Variants in STEAP1B observed in about 807,000 individuals in gnomAD.
The protein encoded by STEAP1B is STEAP family protein MGC87042.
Under a neutral mutation model 27.9 loss-of-function variants are expected in STEAP1B, and 13 were observed. The observed-to-expected ratio is 0.47, with a 90% CI of 0.30 to 0.74. STEAP1B has a LOEUF of 0.74. Ranked by LOEUF, STEAP1B falls within the 30% of genes least tolerant of loss-of-function variation. The pLI is 0.06. For missense variants in STEAP1B, 250 were observed against 298.7 expected (o/e 0.84, Z 1.20); for synonymous variants, 86 against 107.1 (o/e 0.80, Z 1.22).
At position 22,419,703 on chromosome 7, in the gene STEAP1B, TGGCAGAG is replaced by T; in HGVS notation, c.*94_*100del. The T allele has an allele frequency of 7.4e-7, 1 of 1,347,512 alleles. No individual in the cohort carries two copies. Among genetic ancestry groups the T allele is most frequent in the South Asian group, 1.5e-5 (1 of 65,220 alleles). The allele number at this position is 1,347,512 out of a possible 1,614,324, so 83.5% of individuals were successfully genotyped here. A position where few individuals can be genotyped will look rare whatever the true frequency, so the allele number is the denominator to read the frequency against. On this transcript the variant is annotated 3_prime_UTR_variant, in exon 5 of 5. Coordinates refer to ENST00000678116, the MANE Select transcript of STEAP1B (RefSeq NM_001382447.1). ...TCACCTGCAGCATGGCTGTTCATTG[TGGCAGAG>T]GGAAAGGGCACTGGGTGGTGTTCTG...
chr7:22,484,946 G>A (rs1267742604), intron 4 of STEAP1B, among the ~76,000 whole-genome samples: 1 of 152,204 alleles, frequency 6.6e-6, no homozygotes, highest in Non-Finnish European at 1.5e-5. Context: ...ACAGCCTGAA[G>A]CTGTGACTGA....
At chr7:22,451,919 T>G (rs1785498185) in intron 4 of STEAP1B, among the ~76,000 whole-genome samples, 1 of 152,224 alleles carries the variant, frequency 6.6e-6, no homozygotes, top group Admixed American at 6.5e-5. Context: ...AGTTTGGAAG[T>G]ACACTCCTTC....
At chr7:22,436,408 C>T (rs1785254857) in intron 4 of STEAP1B, among the ~76,000 whole-genome samples, 1 of 147,006 alleles carries the variant, frequency 6.8e-6, no homozygotes, top group African/African-American at 2.4e-5. Flanking sequence ...AAATCTATCC[C>T]TTAGCCATTT....
intron 2 of STEAP1B, 80 bp downstream of exon 2, chr7:22,494,692 C>T: frequency 2.9e-6 from 3 of 1,042,822 alleles, no homozygotes; most frequent in South Asian, 1.6e-5. Flanking sequence ...ACTTTCATAA[C>T]ACTAGGAGAT....
At chr7:22,443,875 T>G (rs896569799) in intron 4 of STEAP1B, among the ~76,000 whole-genome samples, 44 of 152,250 alleles carry the variant, frequency 2.9e-4, no homozygotes, top group African/African-American at 1.1e-3. Context: ...ATCACCCAAT[T>G]GAACAAGCTC....
chr7:22,485,239 G>A (rs1176574615), intron 4 of STEAP1B, among the ~76,000 whole-genome samples: 1 of 152,110 alleles, frequency 6.6e-6, no homozygotes, highest in Non-Finnish European at 1.5e-5. Context: ...AGAGCCCATT[G>A]ATGTGGCAAA....
intron 4 of STEAP1B, among the ~76,000 whole-genome samples, chr7:22,453,382 C>T (rs1785521094): frequency 7.2e-6 from 1 of 137,940 alleles, no homozygotes; most frequent in South Asian, 2.6e-4. Context: ...CCTCCCTCAG[C>T]ATTTCCCCCT....
intron 4 of STEAP1B, among the ~76,000 whole-genome samples, chr7:22,475,589 C>T (rs1562580361): frequency 2.0e-5 from 3 of 152,204 alleles, no homozygotes; most frequent in African/African-American, 7.2e-5. Flanking sequence ...AGGCTGGTCT[C>T]AAACTCCTGG....
At chr7:22,470,364 A>G (rs1031024038) in intron 4 of STEAP1B, among the ~76,000 whole-genome samples, 2 of 152,236 alleles carry the variant, frequency 1.3e-5, no homozygotes, top group Non-Finnish European at 2.9e-5. Context: ...ATGAATATCT[A>G]TGAGTCCATA....
At chr7:22,453,125 T>C (rs969539936) in intron 4 of STEAP1B, among the ~76,000 whole-genome samples, 1 of 152,204 alleles carries the variant, frequency 6.6e-6, no homozygotes, top group Non-Finnish European at 1.5e-5. Context: ...AAAATTCGTG[T>C]CAGTGCCAAC....
intron 1 of STEAP1B, among the ~76,000 whole-genome samples, chr7:22,496,263 A>T (rs774514726): frequency 2.6e-5 from 4 of 152,244 alleles, no homozygotes; most frequent in Non-Finnish European, 5.9e-5. Flanking sequence ...ATGGCTGTAC[A>T]ATGTGACGAT....
At chr7:22,464,917 G>C (rs1785746914) in intron 4 of STEAP1B, among the ~76,000 whole-genome samples, 1 of 68,362 alleles carries the variant, frequency 1.5e-5, no homozygotes, top group Admixed American at 2.0e-4. Flanking sequence ...ACCCCCAGTG[G>C]ATACCCGAAA....
At chr7:22,485,659 C>T (rs567984004) in intron 4 of STEAP1B, among the ~76,000 whole-genome samples, 3 of 152,138 alleles carry the variant, frequency 2.0e-5, no homozygotes, top group Non-Finnish European at 2.9e-5. Flanking sequence ...ACAAAAAAAT[C>T]ATGCAACTCA....
At chr7:22,438,078 G>A (rs758679847) in intron 4 of STEAP1B, among the ~76,000 whole-genome samples, 8 of 151,866 alleles carry the variant, frequency 5.3e-5, no homozygotes, top group East Asian at 1.9e-4. Context: ...TTTGTCGATC[G>A]TTTCTTTTGC....
intron 4 of STEAP1B, among the ~76,000 whole-genome samples, chr7:22,456,617 G>A (rs1469895555): frequency 4.6e-5 from 7 of 152,118 alleles, no homozygotes; most frequent in African/African-American, 1.7e-4. Flanking sequence ...TTGAATGGAT[G>A]TTGGTGTTGA....
chr7:22,469,041 G>A (rs1328945846), intron 4 of STEAP1B, among the ~76,000 whole-genome samples: 2 of 152,008 alleles, frequency 1.3e-5, no homozygotes, highest in African/African-American at 4.8e-5. Context: ...TACTTCAGGA[G>A]GTATTCCAGA....
rs543960726 is a variant in STEAP1B at position 22,473,462 on chromosome 7, G to A, written c.762+19103C>T. ...TTGATTTAATGTGTCAGCTTCCAAT[G>A]CCACTTCTACTACCATCCAACCTTC... On this transcript the variant is annotated intron_variant, in intron 4 of 4. Transcript: ENST00000678116. 5.8e-4 allele frequency among the ~76,000 whole-genome samples: 89 copies of A among 152,324 alleles called. 1 individual carries two copies. The highest frequency in any genetic ancestry group is 1.9e-3 in the African/African-American group (79 of 41,568).
chr7:22,477,846 T>C (rs116005003), intron 4 of STEAP1B, among the ~76,000 whole-genome samples: 157 of 152,332 alleles, frequency 1.0e-3, no homozygotes, highest in African/African-American at 3.7e-3. Context: ...CTGCTTTATC[T>C]TAGCACATTT....
Position 22,457,648 on chromosome 7 carries a change from T to C in STEAP1B, c.762+34917A>G, listed in dbSNP as rs145541253. The stretch of plus-strand genomic sequence containing the variant: ...TGGTTATTTTTGAATCTGAGTTTTC[T>C]TGCTAATGCCAGCGTGCCTTCCTAA... On this transcript the variant is annotated intron_variant, in intron 4 of 4. Coordinates refer to ENST00000678116, the MANE Select transcript of STEAP1B (RefSeq NM_001382447.1). 3.9e-5 allele frequency among the ~76,000 whole-genome samples: 6 copies of C among 152,382 alleles called. No homozygotes were observed. In the East Asian group the frequency reaches 1.2e-3, roughly 29 times the overall value.
Sources: allele counts gnomAD v4.1 joint callset (sites outside exome capture counted in the v4.1 genomes callset), GRCh38; gene constraint gnomAD v4.1.1; transcripts MANE v1.5; gene names NCBI Gene and HGNC (gene_info 2026-07-23, HGNC 2026-07-21).